SEL1L3: variants seen among roughly 807,000 people sequenced by gnomAD.
The protein encoded by SEL1L3 is protein sel-1 homolog 3.
In SEL1L3, 76 loss-of-function variants were observed where a neutral mutation model predicts 142.8. That is an observed-to-expected ratio of 0.53 (90% CI 0.44 to 0.64). The LOEUF is 0.64. SEL1L3 is among the 30% of genes least tolerant of loss of function. SEL1L3 has a pLI of 0.00. For synonymous variants in SEL1L3, 504 were observed against 519.6 expected (o/e 0.97, Z 0.41); for missense variants, 1,262 against 1,381.7 (o/e 0.91, Z 1.37).
At chr4:25,859,487 G>A (rs1717538139) in intron 1 of SEL1L3, among the ~76,000 whole-genome samples, 1 of 152,170 alleles carries the variant, frequency 6.6e-6, no homozygotes, top group African/African-American at 2.4e-5. Context: ...CCCAGCCTAT[G>A]GAGACGGAAG....
At chr4:25,834,227 A>T (rs777290544) in intron 3 of SEL1L3, among the ~76,000 whole-genome samples, 6 of 152,218 alleles carry the variant, frequency 3.9e-5, no homozygotes, top group Admixed American at 6.5e-5. Context: ...TAGAGTGAGG[A>T]TAAAATACCA....
At chr4:25,836,376 G>T (rs1006542643) in intron 2 of SEL1L3, among the ~76,000 whole-genome samples, 1 of 152,146 alleles carries the variant, frequency 6.6e-6, no homozygotes, top group Non-Finnish European at 1.5e-5. Flanking sequence ...GCTGGGCGTG[G>T]TGGCTCACAC....
In SEL1L3 at chr4:25,847,760, A is replaced by C. The variant is rs1461708671; in HGVS notation, c.267T>G (p.Phe89Leu). Reference protein sequence around the residue: ...AYKDFIYFTVFEGNVRNVSEV... With the variant: ...AYKDFIYFTVLEGNVRNVSEV... ...CAGAAACGTTGCGAACGTTTCCTTC[A>C]AAGACAGTAAAATAAATAAAGTCTT... The change falls in exon 2 of 24, where the codon TTT (phenylalanine) becomes TTG (leucine). Residue 89 changes from phenylalanine (F) to leucine (L), a missense_variant. Phe to Leu is a conservative substitution (Grantham distance 22, BLOSUM62 0). Around this residue, in one of 3 missense-constraint regions of SEL1L3, gnomAD observed 689 missense variants for 692.8 expected, o/e 0.99. Transcript: ENST00000399878. The C allele has an allele frequency of 2.5e-6, 4 of 1,613,900 alleles. No individual in the cohort carries two copies. In the South Asian group the frequency reaches 4.4e-5, roughly 18 times the overall value.
chr4:25,843,174 G>C (rs77636841), intron 2 of SEL1L3, among the ~76,000 whole-genome samples: 3,594 of 152,128 alleles, frequency 0.024, 51 homozygotes, highest in South Asian at 0.038. Context: ...GATTCCCACA[G>C]AGTAAGGGGC....
At chr4:25,835,445 A>G in intron 2 of SEL1L3, 122 bp from the exon 3 acceptor site, 1 of 1,032,862 alleles carries the variant, frequency 9.7e-7, no homozygotes, top group Non-Finnish European at 1.4e-6. Context: ...TACCCTAAAA[A>G]TATTAGCAAA....
chr4:25,760,504 C>G (rs926680300), intron 20 of SEL1L3, among the ~76,000 whole-genome samples: 3 of 152,138 alleles, frequency 2.0e-5, no homozygotes, highest in Non-Finnish European at 4.4e-5. Flanking sequence ...CTAATTTATA[C>G]TCCCACCAAC....
At position 25,788,642 on chromosome 4, in the gene SEL1L3, G is replaced by C. The variant is rs953453559; in HGVS notation, c.2077-278C>G. On this transcript the variant is annotated intron_variant, in intron 12 of 23. Transcript: ENST00000399878. This position sits in a 1 kb window ranked among gnomAD's most constrained non-coding sequence, Gnocchi z 5.3. ...TGTGTATCTACTGTACCCAGGACCAGGGCTAGCTGGAACTTCGTCAATAAT... is the reference window on the plus strand; with the variant it reads ...TGTGTATCTACTGTACCCAGGACCACGGCTAGCTGGAACTTCGTCAATAAT... 2.0e-5 allele frequency among the ~76,000 whole-genome samples: 3 copies of C among 151,094 alleles called. No individual in the cohort carries two copies. The South Asian group carries it at 6.3e-4, about 32-fold the overall frequency.
intron 23 of SEL1L3, 161 bp downstream of exon 23, chr4:25,757,373 T>C (rs4697614): frequency 0.21 from 129,062 of 609,100 alleles, 14,922 homozygotes; most frequent in Middle Eastern, 0.32. Flanking sequence ...CTAGAAGGAT[T>C]CCCACCCTGT....
At chr4:25,746,950 C>T (rs1717288987), downstream of SEL1L3, among the ~76,000 whole-genome samples, 1 of 152,050 alleles carries the variant, frequency 6.6e-6, no homozygotes, top group Non-Finnish European at 1.5e-5. Context: ...GTTTTCATCG[C>T]CCCATTTTAT....
intron 21 of SEL1L3, among the ~76,000 whole-genome samples, chr4:25,758,066 C>T (rs921204538): frequency 3.3e-5 from 5 of 152,170 alleles, no homozygotes; most frequent in Non-Finnish European, 5.9e-5. Flanking sequence ...ACAGCAAAAA[C>T]TTAAAAATAA....
Position 25,847,354 on chromosome 4 carries a change from T to G in SEL1L3, c.673A>C (p.Asn225His). The G allele has an allele frequency of 6.2e-7, 1 of 1,613,986 alleles. No individual in the cohort carries two copies. The highest frequency in any genetic ancestry group is 8.5e-7 in the Non-Finnish European group (1 of 1,179,880). Reference protein sequence around the residue: ...FKDHQVCLEWNMGYIWNLRAN... With the variant: ...FKDHQVCLEWHMGYIWNLRAN... ...CGAAGGTTCCAAATATAACCCATGTTCCACTCAAGGCACACTTGATGATCT... is the reference window on the plus strand; with the variant it reads ...CGAAGGTTCCAAATATAACCCATGTGCCACTCAAGGCACACTTGATGATCT... Residue 225 changes from asparagine (N) to histidine (H), a missense_variant, in exon 2 of 24, where the codon AAC (asparagine) becomes CAC (histidine). Physicochemically the swap from Asn to His is moderately conservative, Grantham distance 68 (BLOSUM62 1). This residue lies in a region of SEL1L3 where 689 missense variants were observed against 692.8 expected (regional missense o/e 0.99). Coordinates refer to ENST00000399878, the MANE Select transcript of SEL1L3 (RefSeq NM_015187.5).
chr4:25,788,183 T>C lies in SEL1L3; in HGVS notation c.2217+41A>G, dbSNP rs563735289. The C allele has an allele frequency of 2.5e-6, 4 of 1,605,408 alleles. No individual in the cohort carries two copies. Among genetic ancestry groups the C allele is most frequent in the African/African-American group, 1.3e-5 (1 of 74,982 alleles). ...CACAGGAAACTGCTCAGGAGTCTGATAAGAATTGCACAATTTCAGCACGAA... is the reference window on the plus strand; with the variant it reads ...CACAGGAAACTGCTCAGGAGTCTGACAAGAATTGCACAATTTCAGCACGAA... On this transcript the variant is annotated intron_variant, in intron 13 of 23. Transcript: ENST00000399878. This position sits in a 1 kb window ranked among gnomAD's most constrained non-coding sequence, Gnocchi z 5.3.
intron 1 of SEL1L3, among the ~76,000 whole-genome samples, chr4:25,860,878 T>C (rs1717657758): frequency 6.6e-6 from 1 of 152,212 alleles, no homozygotes; most frequent in Admixed American, 6.5e-5. Flanking sequence ...AGTCTATCCA[T>C]GGCATCATTT....
chr4:25,797,583 G>A (rs1712873083), intron 11 of SEL1L3, among the ~76,000 whole-genome samples: 1 of 152,208 alleles, frequency 6.6e-6, no homozygotes, highest in African/African-American at 2.4e-5. Context: ...GGTGCTGCAT[G>A]CAAGAGAGGC....
At chr4:25,843,787 G>A (rs1280723221) in intron 2 of SEL1L3, among the ~76,000 whole-genome samples, 1 of 152,234 alleles carries the variant, frequency 6.6e-6, no homozygotes, top group Non-Finnish European at 1.5e-5. Flanking sequence ...CTGGGTAAAC[G>A]TCTGCTGCGT....
intron 6 of SEL1L3, among the ~76,000 whole-genome samples, chr4:25,826,873 A>AAAC (rs1715130071): frequency 6.6e-6 from 1 of 152,062 alleles, no homozygotes; most frequent in African/African-American, 2.4e-5. Context: ...CATGTTGCCC[A>AAAC]GCCTGGTCTC....
rs1428125135 is a variant in SEL1L3 at position 25,804,628 on chromosome 4, A to G, written c.1689T>C (p.Asp563=). The change falls in exon 10 of 24, where the codon GAT becomes GAC. Residue 563 remains aspartate, a synonymous_variant. Coordinates refer to ENST00000399878, the MANE Select transcript of SEL1L3 (RefSeq NM_015187.5). ...CTTTATGGTATCCACAGCAGCTGGA[A>G]TCCGTCAGAAAGGGGACGATAGAGC... ...QISSIVPFLT[D]SSCCGYHKAS... The G allele has an allele frequency of 6.2e-7, 1 of 1,613,950 alleles. No individual in the cohort carries two copies. Among genetic ancestry groups the G allele is most frequent in the East Asian group, 2.2e-5 (1 of 44,882 alleles).
At chr4:25,773,896 C>G (rs149299668) in intron 17 of SEL1L3, among the ~76,000 whole-genome samples, 1 of 152,080 alleles carries the variant, frequency 6.6e-6, no homozygotes. Flanking sequence ...CCTTCAAGAC[C>G]ACCTCATCCA....
chr4:25,842,691 T>G (rs1716246237), intron 2 of SEL1L3, among the ~76,000 whole-genome samples: 1 of 152,262 alleles, frequency 6.6e-6, no homozygotes, highest in Admixed American at 6.5e-5. Flanking sequence ...GTTCACAAAC[T>G]GTCCTTCCCT....
Sources: gnomAD v4.1 joint callset for allele counts (sites outside exome capture counted in the v4.1 genomes callset) on GRCh38, gnomAD v4.1.1 for gene constraint, gnomAD v4.1.1 regional missense constraint, Gnocchi (gnomAD v3.1) non-coding constraint, MANE v1.5 for transcripts, NCBI Gene and HGNC (gene_info 2026-07-23, HGNC 2026-07-21) for gene names.